The following COL23A1 variants were observed in gnomAD, a reference collection of about 807,000 sequenced individuals.
The protein encoded by COL23A1 is collagen type XXIII alpha 1 chain.
In COL23A1, 97 loss-of-function variants were observed where a neutral mutation model predicts 99.3. The observed-to-expected ratio is 0.98, with a 90% CI of 0.83 to 1.16. COL23A1 has a LOEUF of 1.16. Among genes scored for constraint, COL23A1 ranks in the 50% most tolerant of loss-of-function variants. The pLI is 0.00. For synonymous variants in COL23A1, 320 were observed against 308.2 expected (o/e 1.04, Z -0.40); for missense variants, 762 against 757.4 (o/e 1.01, Z -0.07).
chr5:178,277,251 C>G (rs1041613177), intron 5 of COL23A1, among the ~76,000 whole-genome samples: 1 of 151,848 alleles, frequency 6.6e-6, no homozygotes, highest in Admixed American at 6.6e-5. Flanking sequence ...CTGTAGCTCC[C>G]GCTACTCAGG....
intron 2 of COL23A1, among the ~76,000 whole-genome samples, chr5:178,433,007 G>C (rs1271989840): frequency 3.9e-5 from 6 of 152,040 alleles, no homozygotes; most frequent in Non-Finnish European, 8.8e-5. Context: ...GAGTTCCCTT[G>C]GTTTCCCTCT....
chr5:178,585,430 T>C (rs369760586), intron 1 of COL23A1, among the ~76,000 whole-genome samples: 6 of 78,024 alleles, frequency 7.7e-5, no homozygotes, highest in African/African-American at 3.2e-4. Context: ...ACAGCCCTGG[T>C]TGACACTGGG....
At chr5:178,246,344 T>C (rs774188402) in intron 23 of COL23A1, 37 bp from the exon 24 acceptor site, 1 of 1,560,884 alleles carries the variant, frequency 6.4e-7, no homozygotes, top group Non-Finnish European at 8.7e-7. Context: ...GGCATGCTAG[T>C]GACAGGAATT....
chr5:178,499,655 T>A (rs570752570), intron 2 of COL23A1, among the ~76,000 whole-genome samples: 7 of 152,372 alleles, frequency 4.6e-5, no homozygotes, highest in African/African-American at 1.7e-4. Flanking sequence ...AACTGTCATG[T>A]CAGTCTCTTA....
chr5:178,388,899 A>G (rs1763809259), intron 2 of COL23A1, among the ~76,000 whole-genome samples: 1 of 152,180 alleles, frequency 6.6e-6, no homozygotes, highest in African/African-American at 2.4e-5. Flanking sequence ...GCAGCTCTCT[A>G]AGGTGGAGAT....
In COL23A1 at chr5:178,306,358, A is replaced by C. The variant is rs1233063115; in HGVS notation, c.406+517T>G. On this transcript the variant is annotated intron_variant, in intron 3 of 28. Coordinates refer to ENST00000390654, the MANE Select transcript of COL23A1 (RefSeq NM_173465.4). The surrounding 1 kb of genome is among the most constrained non-coding windows in gnomAD (Gnocchi z 4.1). Reference sequence around the variant, plus strand: ...GGGGGCAATCTGCTGGGGACTGGGTAGGGGGAGTTCTGGGTGAAGCAGAGA... The same window carrying C: ...GGGGGCAATCTGCTGGGGACTGGGTCGGGGGAGTTCTGGGTGAAGCAGAGA... 6.6e-6 allele frequency among the ~76,000 whole-genome samples: 1 copy of C among 151,312 alleles called. No homozygotes were observed. The highest frequency in any genetic ancestry group is 1.5e-5 in the Non-Finnish European group (1 of 67,806).
chr5:178,550,530 G>A (rs1404381480), intron 2 of COL23A1, among the ~76,000 whole-genome samples: 2 of 152,164 alleles, frequency 1.3e-5, no homozygotes, highest in African/African-American at 4.8e-5. Context: ...TTCAGTGCCA[G>A]GCTTATAAAA....
At chr5:178,391,496 C>T (rs1434288326) in intron 2 of COL23A1, among the ~76,000 whole-genome samples, 1 of 152,218 alleles carries the variant, frequency 6.6e-6, no homozygotes, top group African/African-American at 2.4e-5. Context: ...CGTCATTAGA[C>T]AGCAGGGAAA....
intron 2 of COL23A1, among the ~76,000 whole-genome samples, chr5:178,546,557 C>T (rs1362998159): frequency 3.3e-5 from 5 of 152,152 alleles, no homozygotes; most frequent in Non-Finnish European, 5.9e-5. Flanking sequence ...CACTGGGGGC[C>T]GTCCCAGGGC....
intron 3 of COL23A1, among the ~76,000 whole-genome samples, chr5:178,297,781 A>G (rs1581103921): frequency 2.1e-4 from 4 of 19,142 alleles, no homozygotes; most frequent in African/African-American, 8.6e-4. Flanking sequence ...CAAGCACTTA[A>G]GTCAGCATGT....
At chr5:178,557,742 G>C (rs1762354749) in intron 2 of COL23A1, among the ~76,000 whole-genome samples, 1 of 152,192 alleles carries the variant, frequency 6.6e-6, no homozygotes, top group African/African-American at 2.4e-5. Flanking sequence ...GAGAGCCTTG[G>C]AGCCTTGGAG....
intron 2 of COL23A1, among the ~76,000 whole-genome samples, chr5:178,323,875 A>G (rs1246323558): frequency 6.6e-6 from 1 of 152,186 alleles, no homozygotes; most frequent in Admixed American, 6.5e-5. Flanking sequence ...ATGAAGCAAA[A>G]GAGGCTCACA....
intron 2 of COL23A1, among the ~76,000 whole-genome samples, chr5:178,341,659 G>A (rs938080031): frequency 2.0e-5 from 3 of 150,898 alleles, no homozygotes; most frequent in African/African-American, 7.5e-5. Flanking sequence ...GGTGTGGCCT[G>A]CCCACCTGCC....
intron 2 of COL23A1, among the ~76,000 whole-genome samples, chr5:178,469,755 C>T (rs1021217001): frequency 7.2e-5 from 11 of 152,076 alleles, no homozygotes; most frequent in African/African-American, 1.7e-4. Context: ...AGCTGCCTGC[C>T]GCTGGTGATA....
intron 2 of COL23A1, among the ~76,000 whole-genome samples, chr5:178,517,402 G>C (rs1759582197): frequency 6.6e-6 from 1 of 151,974 alleles, no homozygotes; most frequent in Non-Finnish European, 1.5e-5. Flanking sequence ...GGAGGGAGAG[G>C]GCCCATGTCC....
chr5:178,304,413 G>A lies in COL23A1; in HGVS notation c.406+2462C>T, dbSNP rs573567887. On this transcript the variant is annotated intron_variant, in intron 3 of 28. Transcript: ENST00000390654. ...GTAATCCAGCTACTGAGGTGGCTGAGACATGAGAATCGCTTGAATCTGGGA... is the reference window on the plus strand; with the variant it reads ...GTAATCCAGCTACTGAGGTGGCTGAAACATGAGAATCGCTTGAATCTGGGA... Among the ~76,000 whole-genome samples the A allele has an allele frequency of 3.4e-5, 5 of 146,570 alleles. 1 individual carries two copies. The South Asian group carries it at 6.6e-4, about 19-fold the overall frequency.
chr5:178,576,796 C>T (rs1294495155), intron 1 of COL23A1, among the ~76,000 whole-genome samples: 1 of 151,980 alleles, frequency 6.6e-6, no homozygotes, highest in Non-Finnish European at 1.5e-5. Flanking sequence ...GTCCTGTCCT[C>T]CGAGGCGCCA....
At chr5:178,560,449 G>A (rs776345486) in intron 2 of COL23A1, among the ~76,000 whole-genome samples, 10 of 152,078 alleles carry the variant, frequency 6.6e-5, no homozygotes, top group Non-Finnish European at 1.3e-4. Flanking sequence ...AGTCATCTCC[G>A]ACAATGTCTT....
intron 2 of COL23A1, among the ~76,000 whole-genome samples, chr5:178,316,850 CA>C (rs141926886): frequency 5.3e-4 from 71 of 132,916 alleles, no homozygotes; most frequent in East Asian, 1.4e-3. Flanking sequence ...GACTTCTTTG[CA>C]AAAAAAAAAA....
Sources: gnomAD v4.1 joint callset for allele counts (sites outside exome capture counted in the v4.1 genomes callset) on GRCh38, gnomAD v4.1.1 for gene constraint, Gnocchi (gnomAD v3.1) non-coding constraint, MANE v1.5 for transcripts, NCBI Gene and HGNC (gene_info 2026-07-23, HGNC 2026-07-21) for gene names.